The following KRT73 variants were observed in gnomAD, a reference collection of about 807,000 sequenced individuals.
KRT73 encodes the protein keratin, type II cytoskeletal 73.
Under a neutral mutation model 47.2 loss-of-function variants are expected in KRT73, and 44 were observed. That is an observed-to-expected ratio of 0.93 (90% CI 0.73 to 1.20). KRT73 has a LOEUF of 1.20. Among genes scored for constraint, KRT73 ranks in the 50% most tolerant of loss-of-function variants. The probability of loss-of-function intolerance (pLI) is 0.00; values close to 1 mark genes in which losing one functional copy is unlikely to be tolerated. For missense variants in KRT73, 713 were observed against 704.5 expected, an observed-to-expected ratio of 1.01 and a Z score of -0.14; for synonymous variants, 285 against 291.3, an observed-to-expected ratio of 0.98 and a Z score of 0.22.
chr12:52,614,056 G>T, intron 4 of KRT73: 1 of 628,520 alleles, frequency 1.6e-6, no homozygotes, highest in East Asian at 3.0e-5. Context: ...AGCAGCCCAG[G>T]AAGAAAACAG....
chr12:52,612,272 C>T (rs1042677509), intron 5 of KRT73: 12 of 152,340 alleles, frequency 7.9e-5, no homozygotes, highest in African/African-American at 2.9e-4. Context: ...CCCAAAACCA[C>T]TAGCCATGAA....
chr12:52,625,486 A>G, the KRT73 span, among the ~76,000 whole-genome samples: 424 of 152,346 alleles, frequency 2.8e-3, 3 homozygotes, highest in African/African-American at 9.5e-3. Flanking sequence ...TGGCAACACT[A>G]CATGCTGGCA....
chr12:52,613,066 AG>A (rs1340982367), intron 5 of KRT73, among the ~76,000 whole-genome samples: 5 of 152,160 alleles, frequency 3.3e-5, no homozygotes, highest in Non-Finnish European at 7.4e-5. Context: ...GCAAGGAGGC[AG>A]GGAGAGGGAT....
upstream of KRT73, among the ~76,000 whole-genome samples, chr12:52,621,742 A>G (rs1199523751): frequency 1.3e-5 from 2 of 152,158 alleles, no homozygotes; most frequent in African/African-American, 4.8e-5. Flanking sequence ...TTTCACCTAC[A>G]CCCACATCAG....
Position 52,614,701 on chromosome 12 carries a change from C to T in KRT73, c.724-27G>A, listed in dbSNP as rs1209614943. 3.8e-6 allele frequency: 6 copies of T among 1,591,494 alleles called. No homozygotes were observed. The East Asian group carries it at 9.0e-5, about 24-fold the overall frequency. On this transcript the variant is annotated intron_variant, in intron 3 of 8. Coordinates refer to ENST00000305748, the MANE Select transcript of KRT73 (RefSeq NM_175068.3). ...TATGGAGAATCCAGATACCCCTGAC[C>T]TCACCTTTCTTCAAGCCCAGACAGG...
In KRT73 at chr12:52,613,738, C is replaced by A. The variant is rs1315564752; in HGVS notation, c.934G>T (p.Glu312Ter). The A allele has an allele frequency of 6.2e-7, 1 of 1,614,080 alleles. No homozygotes were observed. The highest frequency in any genetic ancestry group is 1.1e-5 in the South Asian group (1 of 91,078). Reference sequence around the variant, plus strand: ...TCGGCCTTGCTCTTCCGGGCGATCTCCTCATACTGGGCACGGACCTCAGCA... The same window carrying A: ...TCGGCCTTGCTCTTCCGGGCGATCTACTCATACTGGGCACGGACCTCAGCA... ...IIAEVRAQYE[E>*]IARKSKAEAE... The change falls in exon 5 of 9, where the codon GAG becomes TAG. Residue 312 changes from glutamate to a stop codon, truncating the protein, a stop_gained. Coordinates refer to ENST00000305748, the MANE Select transcript of KRT73 (RefSeq NM_175068.3). LOFTEE classifies it high-confidence loss of function.
At chr12:52,630,055 A>T in the KRT73 span, among the ~76,000 whole-genome samples, 1 of 152,178 alleles carries the variant, frequency 6.6e-6, no homozygotes, top group Non-Finnish European at 1.5e-5. Flanking sequence ...AACAGCAGGG[A>T]AATCCCCACC....
At chr12:52,609,332 T>A (rs1319131006) in intron 7 of KRT73, 51 bp from the exon 8 acceptor site, 37 of 1,483,754 alleles carry the variant, frequency 2.5e-5, no homozygotes, top group Non-Finnish European at 3.3e-5. Flanking sequence ...ACTCCCATAG[T>A]GGCCCTCACT....
intron 3 of KRT73, 59 bp downstream of exon 3, chr12:52,615,220 C>T: frequency 9.6e-6 from 14 of 1,453,210 alleles, no homozygotes; most frequent in Non-Finnish European, 1.3e-5. Flanking sequence ...AGCTGCTCCT[C>T]TCTCTTAGCC....
chr12:52,610,064 G>GTTTGTTTA (rs1940662022), intron 7 of KRT73: 1 of 110,714 alleles, frequency 9.0e-6, no homozygotes, highest in Non-Finnish European at 1.7e-5. Context: ...TGTTTTGTCT[G>GTTTGTTTA]TTTGTTTGTT....
chr12:52,629,670 G>A, the KRT73 span, among the ~76,000 whole-genome samples: 1 of 152,206 alleles, frequency 6.6e-6, no homozygotes, highest in Admixed American at 6.5e-5. Flanking sequence ...CATGTTGTTG[G>A]TGACTTCTCT....
rs375455812 is a variant in KRT73, at chr12:52,608,218, G to T, written c.1601C>A (p.Pro534His). 11 of 1,611,174 alleles carry T rather than the reference G, an allele frequency of 6.8e-6. No individual in the cohort carries two copies. Among genetic ancestry groups the T allele is most frequent in the Non-Finnish European group, 9.3e-6 (11 of 1,178,984 alleles). The stretch of plus-strand genomic sequence containing the variant: ...CTTTTATCTCATGGTTTTTTTGGTG[G>T]GTGAGCTTAGAGCTAAGGTCTTTCC... ...SQGKTLALSSPTKKTMR is the reference protein window; with the variant it reads ...SQGKTLALSSHTKKTMR The change falls in exon 9 of 9, where the codon CCC becomes CAC. Residue 534 changes from proline to histidine, a missense_variant. By Grantham distance (77) the Pro-to-His change is moderately conservative. Transcript: ENST00000305748.
At chr12:52,630,452 C>G in the KRT73 span, among the ~76,000 whole-genome samples, 1 of 152,196 alleles carries the variant, frequency 6.6e-6, no homozygotes, top group Non-Finnish European at 1.5e-5. Flanking sequence ...CCCTTCTGCT[C>G]TGCCTCCAGG....
chr12:52,628,767 T>A, the KRT73 span, among the ~76,000 whole-genome samples: 1 of 152,126 alleles, frequency 6.6e-6, no homozygotes, highest in East Asian at 1.9e-4. Context: ...TTCTGGGGCC[T>A]GGCATTTGGA....
chr12:52,622,556 A>C (rs1940922476), upstream of KRT73, among the ~76,000 whole-genome samples: 1 of 152,206 alleles, frequency 6.6e-6, no homozygotes, highest in Non-Finnish European at 1.5e-5. Context: ...GTGTGCTGGG[A>C]GGGCCCAGAG....
intron 7 of KRT73, 100 bp downstream of exon 7, chr12:52,610,515 A>C: frequency 1.8e-5 from 12 of 660,238 alleles, no homozygotes; most frequent in East Asian, 3.4e-5. Context: ...AAGTAAACAC[A>C]TCGCCAGCTC....
At chr12:52,613,995 C>G (rs1565629704) in intron 4 of KRT73, 143 bp from the exon 5 acceptor site, 1 of 1,301,422 alleles carries the variant, frequency 7.7e-7, no homozygotes, top group South Asian at 1.5e-5. Context: ...GAACAGAGCT[C>G]ACAGCCCAGA....
In KRT73 at chr12:52,607,987, G is replaced by A; in HGVS notation, c.*209C>T. 1 of 585,690 alleles carries A rather than the reference G, an allele frequency of 1.7e-6. No individual in the cohort carries two copies. The highest frequency in any genetic ancestry group is 3.0e-6 in the Non-Finnish European group (1 of 337,922). 36.3% of individuals were successfully genotyped at this position (585,690 alleles called of 1,614,324 possible). A position where few individuals can be genotyped will look rare whatever the true frequency, so the allele number is the denominator to read the frequency against. On this transcript the variant is annotated 3_prime_UTR_variant, in exon 9 of 9. Transcript: ENST00000305748. ...GCTGAGTTAAAAGGCCTCTTTGGAT[G>A]GAGGCAGAAAGATGGGCTCCAGCTC... is the stretch of plus-strand genomic sequence containing the variant.
upstream of KRT73, among the ~76,000 whole-genome samples, chr12:52,620,593 G>A (rs144756912): frequency 6.6e-6 from 1 of 152,240 alleles, no homozygotes; most frequent in African/African-American, 2.4e-5. Flanking sequence ...GCATGTCACA[G>A]GCCCTGAGAT....
Sources: allele counts gnomAD v4.1 joint callset (sites outside exome capture counted in the v4.1 genomes callset), GRCh38; gene constraint gnomAD v4.1.1; transcripts MANE v1.5; gene names NCBI Gene and HGNC (gene_info 2026-07-23, HGNC 2026-07-21).